GALNT15: variants seen among roughly 807,000 people sequenced by gnomAD.
The protein encoded by GALNT15 is UDP-GalNAc transferase T15.
A neutral mutation model predicts 66.8 loss-of-function variants in GALNT15; 67 were observed. The ratio of observed to expected loss-of-function variants is 1.00; its 90% CI spans 0.82 to 1.23. The LOEUF is 1.23. GALNT15 is among the 50% of genes most tolerant of loss of function. GALNT15 has a pLI of 0.00. For synonymous variants in GALNT15, 313 were observed against 311.5 expected, an observed-to-expected ratio of 1.00 and a Z score of -0.05; for missense variants, 827 against 804.3, an observed-to-expected ratio of 1.03 and a Z score of -0.34.
the GALNT15 span, among the ~76,000 whole-genome samples, chr3:16,246,542 T>A: frequency 6.6e-6 from 1 of 152,136 alleles, no homozygotes; most frequent in Non-Finnish European, 1.5e-5. Flanking sequence ...CAGGATGGTC[T>A]CGATCTCTTG....
intron 1 of GALNT15, among the ~76,000 whole-genome samples, chr3:16,185,748 CAGATA>C (rs2063509701): frequency 6.7e-6 from 1 of 148,198 alleles, no homozygotes; most frequent in African/African-American, 2.6e-5. Context: ...GATAGACAGA[CAGATA>C]GATAGATAGA....
Position 16,228,704 on chromosome 3 carries a change from C to T in GALNT15, c.*1204C>T. 1 of 984,852 alleles carries T rather than the reference C, an allele frequency of 1.0e-6. No homozygotes were observed. The highest frequency in any genetic ancestry group is 1.2e-6 in the Non-Finnish European group (1 of 829,856). 61.0% of individuals were successfully genotyped at this position (984,852 alleles called of 1,614,324 possible). A position where few individuals can be genotyped will look rare whatever the true frequency, so the allele number is the denominator to read the frequency against. ...GTTACAGGGTTTGCACTGACTGGAG[C>T]AGAAACAGCAACCTTTCTAAAAAAG... On this transcript the variant is annotated 3_prime_UTR_variant, in exon 10 of 10. Coordinates refer to ENST00000339732, the MANE Select transcript of GALNT15 (RefSeq NM_054110.5).
intron 6 of GALNT15, among the ~76,000 whole-genome samples, chr3:16,218,732 G>T: frequency 6.6e-6 from 1 of 151,578 alleles, no homozygotes; most frequent in Middle Eastern, 3.2e-3. Flanking sequence ...CACCAAGCTA[G>T]GTGCAAAGCC....
In GALNT15 at chr3:16,184,993, A is replaced by G. The variant is rs1008488100; in HGVS notation, c.539+9303A>G. ...TGGGGAAATCACACTGGTCAGCCAG[A>G]GAAAGCCCTAGGGCCATTAGAAGTT... On this transcript the variant is annotated intron_variant, in intron 1 of 9. Transcript: ENST00000339732. The surrounding 1 kb of genome is among the most constrained non-coding windows in gnomAD (Gnocchi z 5.0). Among the ~76,000 whole-genome samples, 4 of 152,182 alleles carry G rather than the reference A, an allele frequency of 2.6e-5. No individual in the cohort carries two copies. Among genetic ancestry groups the G allele is most frequent in the Non-Finnish European group, 5.9e-5 (4 of 68,032 alleles).
Position 16,200,603 on chromosome 3 carries a change from A to G in GALNT15, c.707-16A>G, listed in dbSNP as rs2063688883. 1 of 1,509,476 alleles carries G rather than the reference A, an allele frequency of 6.6e-7. No homozygotes were observed. Among genetic ancestry groups the G allele is most frequent in the Non-Finnish European group, 8.9e-7 (1 of 1,126,696 alleles). The allele number at this position is 1,509,476 out of a possible 1,614,324, so 93.5% of individuals were successfully genotyped here. ...GGCATTTGTCATTCCACTGACCACA[A>G]CCCTGTTGATTCCAGGACAACTCAA... is the stretch of plus-strand genomic sequence containing the variant. On this transcript the variant is annotated splice_polypyrimidine_tract_variant and intron_variant, in intron 2 of 9. Transcript: ENST00000339732. This position sits in a 1 kb window ranked among gnomAD's most constrained non-coding sequence, Gnocchi z 4.4.
rs117704697 is a variant in GALNT15, at chr3:16,222,356, G to A, written c.1630-259G>A. Among the ~76,000 whole-genome samples the A allele has an allele frequency of 5.4e-3, 815 of 152,228 alleles. 15 individuals are homozygous for A. The highest frequency in any genetic ancestry group is 0.043 in the East Asian group (224 of 5,190). Reference sequence around the variant, plus strand: ...CTTTTTATGGCCTCACCTATGATACGGTAAATAACGTAACAGAGAAACATG... The same window carrying A: ...CTTTTTATGGCCTCACCTATGATACAGTAAATAACGTAACAGAGAAACATG... On this transcript the variant is annotated intron_variant, in intron 8 of 9. Coordinates refer to ENST00000339732, the MANE Select transcript of GALNT15 (RefSeq NM_054110.5).
At chr3:16,233,092 A>ATGTTTTTTTTT (rs771943641), downstream of GALNT15, among the ~76,000 whole-genome samples, 13 of 48,076 alleles carry the variant, frequency 2.7e-4, no homozygotes, top group Non-Finnish European at 3.4e-4. Flanking sequence ...AGGATAATGC[A>ATGTTTTTTTTT]TCTTTTTTTT....
rs1346462352 is a variant in GALNT15, at chr3:16,186,827, T to C, written c.540-8933T>C. Among the ~76,000 whole-genome samples the C allele has an allele frequency of 6.6e-6, 1 of 152,138 alleles. No individual in the cohort carries two copies. The highest frequency in any genetic ancestry group is 2.4e-5 in the African/African-American group (1 of 41,420). On this transcript the variant is annotated intron_variant, in intron 1 of 9. Transcript: ENST00000339732. The surrounding 1 kb of genome is among the most constrained non-coding windows in gnomAD (Gnocchi z 5.1). ...TGACTGCCAATGGGTAGTAGGTTTT[T>C]GGGGGTGGGGTGTTGAAAACGTTCT...
intron 9 of GALNT15, among the ~76,000 whole-genome samples, chr3:16,223,203 C>A (rs932437465): frequency 6.6e-6 from 1 of 152,062 alleles, no homozygotes; most frequent in Non-Finnish European, 1.5e-5. Flanking sequence ...TTCTTCCTTT[C>A]AATGCAAATT....
chr3:16,201,489 G>T (rs146638778), intron 3 of GALNT15, among the ~76,000 whole-genome samples: 1 of 152,008 alleles, frequency 6.6e-6, no homozygotes, highest in Non-Finnish European at 1.5e-5. Context: ...CCGAAAATTC[G>T]TCAATTTTAA....
intron 1 of GALNT15, among the ~76,000 whole-genome samples, chr3:16,194,254 T>C (rs1393250136): frequency 6.6e-6 from 1 of 152,248 alleles, no homozygotes; most frequent in African/African-American, 2.4e-5. Flanking sequence ...TTGCACGGTG[T>C]CTGGCATGTT....
downstream of GALNT15, among the ~76,000 whole-genome samples, chr3:16,236,767 A>G (rs1159436678): frequency 1.3e-5 from 2 of 152,258 alleles, no homozygotes; most frequent in African/African-American, 4.8e-5. Context: ...ATCAAATAAT[A>G]AAACATTGAC....
chr3:16,199,680 TAGC>T (rs2063678202), intron 2 of GALNT15, among the ~76,000 whole-genome samples: 1 of 97,326 alleles, frequency 1.0e-5, no homozygotes, highest in African/African-American at 3.8e-5. Context: ...AGTCCAGCCA[TAGC>T]CTGATCCCAT....
At chr3:16,245,022 A>G in the GALNT15 span, among the ~76,000 whole-genome samples, 2 of 152,224 alleles carry the variant, frequency 1.3e-5, no homozygotes, top group South Asian at 2.1e-4. Flanking sequence ...GAGTTACTCA[A>G]ACATCCAGGG....
chr3:16,212,341 T>G (rs1386282643), intron 5 of GALNT15, among the ~76,000 whole-genome samples: 1 of 152,130 alleles, frequency 6.6e-6, no homozygotes, highest in Non-Finnish European at 1.5e-5. Flanking sequence ...ATGGCCCTCT[T>G]GTCCCCATTT....
rs371563511 is a variant in GALNT15, at chr3:16,204,799, G to C, written c.912-3704G>C. Among the ~76,000 whole-genome samples the C allele has an allele frequency of 3.3e-5, 5 of 152,326 alleles. 1 individual carries two copies. Among genetic ancestry groups the C allele is most frequent in the African/African-American group, 1.2e-4 (5 of 41,570 alleles). ...CAGGGGTGCTATGGGGAGAAGCAAT[G>C]TGGGGCAGGGAGAAGAACACCTCCC... is the stretch of plus-strand genomic sequence containing the variant. On this transcript the variant is annotated intron_variant, in intron 3 of 9. Coordinates refer to ENST00000339732, the MANE Select transcript of GALNT15 (RefSeq NM_054110.5). The surrounding 1 kb of genome is among the most constrained non-coding windows in gnomAD (Gnocchi z 4.5).
In GALNT15 at chr3:16,184,936, T is replaced by C. The variant is rs2063503321; in HGVS notation, c.539+9246T>C. Among the ~76,000 whole-genome samples, 1 of 152,162 alleles carries C rather than the reference T, an allele frequency of 6.6e-6. No homozygotes were observed. Among genetic ancestry groups the C allele is most frequent in the African/African-American group, 2.4e-5 (1 of 41,438 alleles). On this transcript the variant is annotated intron_variant, in intron 1 of 9. Coordinates refer to ENST00000339732, the MANE Select transcript of GALNT15 (RefSeq NM_054110.5). The surrounding 1 kb of genome is among the most constrained non-coding windows in gnomAD (Gnocchi z 5.0). The stretch of plus-strand genomic sequence containing the variant: ...ACAGCTCACTGGGGTGGGGTAGGGG[T>C]TAATTTTCCAGCTCTTCAGGGATGC...
At position 16,195,813 on chromosome 3, in the gene GALNT15, G is replaced by C. The variant is rs1224087065; in HGVS notation, c.593G>C (p.Cys198Ser). 2 of 1,613,908 alleles carry C rather than the reference G, an allele frequency of 1.2e-6. No homozygotes were observed. The highest frequency in any genetic ancestry group is 1.6e-4 in the Middle Eastern group (1 of 6,082). ...CTGCCCACAGCCAGCGTCATCCTCT[G>C]TTTCCATGATGAGGCCTGGTCCACT... ...DSLPTASVILCFHDEAWSTLL... is the reference protein window; with the variant it reads ...DSLPTASVILSFHDEAWSTLL... Residue 198 changes from cysteine (C) to serine (S), a missense_variant, in exon 2 of 10, where the codon TGT becomes TCT. Transcript: ENST00000339732. The surrounding 1 kb of genome is among the most constrained non-coding windows in gnomAD (Gnocchi z 4.6).
At chr3:16,226,141 G>A (rs536705276) in intron 9 of GALNT15, among the ~76,000 whole-genome samples, 83 of 152,112 alleles carry the variant, frequency 5.5e-4, no homozygotes, top group Admixed American at 1.3e-3. Flanking sequence ...TCCAGAATAG[G>A]AAAATCCATA....
Sources: allele counts gnomAD v4.1 joint callset (sites outside exome capture counted in the v4.1 genomes callset), GRCh38; gene constraint gnomAD v4.1.1; non-coding constraint Gnocchi (gnomAD v3.1); transcripts MANE v1.5; gene names NCBI Gene and HGNC (gene_info 2026-07-23, HGNC 2026-07-21).